Variants in SNRNP70 observed in about 807,000 individuals in gnomAD.
SNRNP70 encodes the protein U1 small nuclear ribonucleoprotein 70 kDa.
SNRNP70 carries 8 observed loss-of-function variants against 50.5 expected under a neutral mutation model. The ratio of observed to expected loss-of-function variants is 0.16; its 90% CI spans 0.09 to 0.29. The LOEUF is 0.29. Among genes scored for constraint, SNRNP70 ranks in the 10% least tolerant of loss-of-function variants. SNRNP70 has a pLI of 1.00. For missense variants in SNRNP70, 529 were observed against 663.5 expected (o/e 0.80, Z 2.23); for synonymous variants, 320 against 252.9 (o/e 1.27, Z -2.52).
intron 4 of SNRNP70, among the ~76,000 whole-genome samples, chr19:49,095,384 C>T (rs1170433509): frequency 6.6e-6 from 1 of 152,260 alleles, no homozygotes; most frequent in Non-Finnish European, 1.5e-5. Flanking sequence ...TGACAGCTTT[C>T]AGCTCTTCAT....
chr19:49,093,857 C>T (rs538350705), intron 4 of SNRNP70, among the ~76,000 whole-genome samples: 1 of 150,430 alleles, frequency 6.6e-6, no homozygotes, highest in Non-Finnish European at 1.5e-5. Context: ...AAAACAAAAA[C>T]AAAAACAAAA....
chr19:49,104,995 G>C lies in SNRNP70; in HGVS notation c.577+260G>C, dbSNP rs1184092399. Among the ~76,000 whole-genome samples, 1 of 152,162 alleles carries C rather than the reference G, an allele frequency of 6.6e-6. No homozygotes were observed. Among genetic ancestry groups the C allele is most frequent in the Non-Finnish European group, 1.5e-5 (1 of 68,044 alleles). On this transcript the variant is annotated intron_variant, in intron 8 of 9. Coordinates refer to ENST00000598441, the MANE Select transcript of SNRNP70 (RefSeq NM_003089.6). This position sits in a 1 kb window ranked among gnomAD's most constrained non-coding sequence, Gnocchi z 5.4. The stretch of plus-strand genomic sequence containing the variant: ...CTGGCGTCCGCCCTTGCTAGCTGGG[G>C]GTCCCCTTTTCCTGCCTCATTGTAC...
At chr19:49,105,902 GTC>G (rs1445371520) in intron 8 of SNRNP70, among the ~76,000 whole-genome samples, 1 of 152,234 alleles carries the variant, frequency 6.6e-6, no homozygotes, top group African/African-American at 2.4e-5. Flanking sequence ...TCCTGGATGA[GTC>G]TCTTGTTTCG....
intron 4 of SNRNP70, among the ~76,000 whole-genome samples, chr19:49,091,746 G>T (rs961157131): frequency 6.6e-6 from 1 of 152,126 alleles, no homozygotes; most frequent in Non-Finnish European, 1.5e-5. Context: ...ACATCTGGCG[G>T]TGCACTCTTT....
Position 49,108,425 on chromosome 19 carries a change from G to A in SNRNP70, c.1296G>A (p.Met432Ile). 1 of 1,606,906 alleles carries A rather than the reference G, an allele frequency of 6.2e-7. No individual in the cohort carries two copies. The highest frequency in any genetic ancestry group is 8.5e-7 in the Non-Finnish European group (1 of 1,176,980). The stretch of plus-strand genomic sequence containing the variant: ...TGGCTCCGGAGAATGGGTATTTGAT[G>A]GAGGCTGCGCCGGAGTGAAGAGGTC... ...GYLAPENGYL[M>I]EAAPE The change falls in exon 10 of 10, where the codon ATG (methionine) becomes ATA (isoleucine). Residue 432 changes from methionine (M) to isoleucine (I), a missense_variant. Physicochemically the swap from Met to Ile is conservative, Grantham distance 10. Coordinates refer to ENST00000598441, the MANE Select transcript of SNRNP70 (RefSeq NM_003089.6).
chr19:49,099,761 G>A (rs2040558827), intron 6 of SNRNP70, among the ~76,000 whole-genome samples: 1 of 146,102 alleles, frequency 6.8e-6, no homozygotes, highest in African/African-American at 2.5e-5. Context: ...AAGTATTGTA[G>A]GCTGGGCGTG....
At chr19:49,087,086 A>G (rs988459264) in intron 2 of SNRNP70, among the ~76,000 whole-genome samples, 2 of 149,400 alleles carry the variant, frequency 1.3e-5, no homozygotes, top group Non-Finnish European at 3.0e-5. Context: ...AGGCTGAGGC[A>G]CGGGAATCAC....
chr19:49,093,641 T>C (rs1394826632), intron 4 of SNRNP70, among the ~76,000 whole-genome samples: 11 of 131,924 alleles, frequency 8.3e-5, no homozygotes, highest in African/African-American at 3.2e-4. Context: ...ATCACGCCAT[T>C]GCACTCCAGC....
At chr19:49,098,744 TGGA>T in intron 6 of SNRNP70, 40 bp downstream of exon 6, 1 of 1,518,168 alleles carries the variant, frequency 6.6e-7, no homozygotes, top group Non-Finnish European at 9.2e-7. Flanking sequence ...TGGGGGTGCA[TGGA>T]GGAGGGGCTG....
In SNRNP70 at chr19:49,104,488, G is replaced by A; in HGVS notation, c.476-146G>A. 2 of 664,372 alleles carry A rather than the reference G, an allele frequency of 3.0e-6. No homozygotes were observed. The highest frequency in any genetic ancestry group is 5.4e-6 in the Non-Finnish European group (2 of 368,356). 41.2% of individuals were successfully genotyped at this position (664,372 alleles called of 1,614,324 possible). On this transcript the variant is annotated intron_variant, in intron 7 of 9. Transcript: ENST00000598441. This position sits in a 1 kb window ranked among gnomAD's most constrained non-coding sequence, Gnocchi z 5.4. ...ACCGGTTTGGGAGAGGGTTGGTCTG[G>A]CTGTCAGTTGCCTGGCTGTCTGTTG...
Position 49,108,181 on chromosome 19 carries a change from ACC to A in SNRNP70, c.1053_1054del (p.Asp351GlufsTer20). The A allele has an allele frequency of 6.5e-7, 1 of 1,536,760 alleles. No individual in the cohort carries two copies. On this transcript the variant is annotated frameshift_variant, in exon 10 of 10. Coordinates refer to ENST00000598441, the MANE Select transcript of SNRNP70 (RefSeq NM_003089.6). LOFTEE classifies it high-confidence loss of function. ...CCAGAGGAAAAGGGCCGGGATCGTG[ACC>A]GGGAGCGACGGCGGAGCCACCGGAG...
In SNRNP70 at chr19:49,102,013, C is replaced by T. The variant is rs1023864680; in HGVS notation, c.475+542C>T. On this transcript the variant is annotated intron_variant, in intron 7 of 9. Coordinates refer to ENST00000598441, the MANE Select transcript of SNRNP70 (RefSeq NM_003089.6). ...GTTCCAAAGCCCCCTTTGAGGCTGC[C>T]GCGGCGTCCACATGGGCAGGGATGG... is the stretch of plus-strand genomic sequence containing the variant. 23 of 496,668 alleles carry T rather than the reference C, an allele frequency of 4.6e-5. 1 individual carries two copies. The highest frequency in any genetic ancestry group is 1.6e-4 in the South Asian group (10 of 63,440). 30.8% of individuals were successfully genotyped at this position (496,668 alleles called of 1,614,324 possible). A position where few individuals can be genotyped will look rare whatever the true frequency, so the allele number is the denominator to read the frequency against.
Position 49,101,875 on chromosome 19 carries a change from C to T in SNRNP70, c.475+404C>T, listed in dbSNP as rs568184575. ...CTTTGAACCTGCCCTCTCTTCCCCC[C>T]CCAGTAGAACTGGGGCTGGGCCACC... is the stretch of plus-strand genomic sequence containing the variant. On this transcript the variant is annotated intron_variant, in intron 7 of 9. Transcript: ENST00000598441. Among the ~76,000 whole-genome samples the T allele has an allele frequency of 9.2e-5, 14 of 151,964 alleles. 1 individual carries two copies. In the South Asian group the frequency reaches 1.0e-3, roughly 11 times the overall value.
At chr19:49,095,267 C>T (rs763398174) in intron 4 of SNRNP70, among the ~76,000 whole-genome samples, 2 of 152,234 alleles carry the variant, frequency 1.3e-5, no homozygotes, top group Admixed American at 6.5e-5. Context: ...GTTTGGCCTT[C>T]GTCCACTCCC....
At chr19:49,097,130 A>G (rs1259591035) in intron 4 of SNRNP70, among the ~76,000 whole-genome samples, 2 of 141,326 alleles carry the variant, frequency 1.4e-5, no homozygotes, top group South Asian at 4.4e-4. Context: ...GACTCTGTTT[A>G]AAAAAAAAAA....
chr19:49,089,807 C>T (rs2040426280), intron 2 of SNRNP70, among the ~76,000 whole-genome samples: 2 of 151,514 alleles, frequency 1.3e-5, no homozygotes, highest in South Asian at 4.2e-4. Flanking sequence ...GGACTACAGG[C>T]GCCCACCACC....
At chr19:49,101,985 A>G in intron 7 of SNRNP70, 1 of 429,560 alleles carries the variant, frequency 2.3e-6, no homozygotes, top group Non-Finnish European at 4.6e-6. Context: ...GCCTGCCCCT[A>G]CAGTTCCAAA....
chr19:49,101,339 G>A (rs1241215907), intron 6 of SNRNP70, 51 bp from the exon 7 acceptor site: 1 of 1,441,766 alleles, frequency 6.9e-7, no homozygotes, highest in Admixed American at 1.7e-5. Context: ...GGGTTGGTGG[G>A]GCGGAGCCGC....
chr19:49,088,498 CTTTTT>C (rs71179084), intron 2 of SNRNP70, among the ~76,000 whole-genome samples: 9 of 99,496 alleles, frequency 9.0e-5, no homozygotes, highest in African/African-American at 3.2e-4. Context: ...CGCACCCGAC[CTTTTT>C]TTTTTTTTTT....
Sources: allele counts gnomAD v4.1 joint callset (sites outside exome capture counted in the v4.1 genomes callset), GRCh38; gene constraint gnomAD v4.1.1; non-coding constraint Gnocchi (gnomAD v3.1); transcripts MANE v1.5; gene names NCBI Gene and HGNC (gene_info 2026-07-23, HGNC 2026-07-21).